The following CDH2 variants were observed in gnomAD, a reference collection of about 807,000 sequenced individuals.
The protein encoded by CDH2 is cadherin 2, also known as cadherin-2.
A neutral mutation model predicts 92.0 loss-of-function variants in CDH2; 17 were observed. That is an observed-to-expected ratio of 0.18 (90% CI 0.13 to 0.28). CDH2 has a LOEUF of 0.28. CDH2 is among the 10% of genes least tolerant of loss of function. The probability of loss-of-function intolerance (pLI) is 1.00; values close to 1 mark genes in which losing one functional copy is unlikely to be tolerated. For synonymous variants in CDH2, 419 were observed against 415.9 expected (o/e 1.01, Z -0.09); for missense variants, 862 against 1,133.1 (o/e 0.76, Z 3.44).
intron 1 of CDH2, 44 bp downstream of exon 1, chr18:28,176,919 G>A: frequency 1.4e-6 from 1 of 731,594 alleles, no homozygotes. Flanking sequence ...GGCGCCGCCC[G>A]CCCCACCCCG....
At chr18:28,143,681 T>C (rs887875712) in intron 2 of CDH2, among the ~76,000 whole-genome samples, 1 of 1,196 alleles carries the variant, frequency 8.4e-4, no homozygotes, top group Non-Finnish European at 9.3e-3. Context: ...CTCTGTGTTA[T>C]ACCATAAGTT....
intron 2 of CDH2, chr18:28,036,446 A>C (rs747293212): frequency 9.1e-7 from 1 of 1,101,112 alleles, no homozygotes. Context: ...CATGTTATGG[A>C]ATGAATAAGG....
chr18:28,125,845 C>T (rs1043577056), intron 2 of CDH2, among the ~76,000 whole-genome samples: 4 of 152,016 alleles, frequency 2.6e-5, no homozygotes, highest in Non-Finnish European at 4.4e-5. Flanking sequence ...TTACAAAATG[C>T]GTTAAGTTTA....
Position 28,009,774 on chromosome 18 carries a change from G to T in CDH2, c.645C>A (p.Ile215=). The change falls in exon 5 of 16, where the codon ATC becomes ATA. Residue 215 remains isoleucine (I), a synonymous_variant. Coordinates refer to ENST00000269141, the MANE Select transcript of CDH2 (RefSeq NM_001792.5). ...GCTTTGTCACCGACAGCTGACCCGA[G>T]ATGGGGTTGATAATGAAGATACCAG... ...PPTGIFIINP[I]SGQLSVTKPL... is the part of the protein sequence containing the mutation. The T allele has an allele frequency of 6.2e-7, 1 of 1,614,048 alleles. No homozygotes were observed. The highest frequency in any genetic ancestry group is 8.5e-7 in the Non-Finnish European group (1 of 1,179,986).
intron 2 of CDH2, among the ~76,000 whole-genome samples, chr18:28,055,928 C>G (rs947762897): frequency 6.6e-5 from 10 of 152,004 alleles, no homozygotes; most frequent in African/African-American, 2.4e-4. Flanking sequence ...ACTTTACTTC[C>G]TAGGTTTTTA....
At chr18:28,159,657 TG>T (rs936555587) in intron 1 of CDH2, among the ~76,000 whole-genome samples, 3 of 144,688 alleles carry the variant, frequency 2.1e-5, no homozygotes, top group Admixed American at 6.7e-5. Context: ...GCAATTTTTT[TG>T]TTTTTTTTTT....
chr18:28,085,334 A>G (rs2014906142), intron 2 of CDH2, among the ~76,000 whole-genome samples: 1 of 151,902 alleles, frequency 6.6e-6, no homozygotes, highest in Admixed American at 6.6e-5. Flanking sequence ...TCCAACTCAA[A>G]TATATTGAGA....
At chr18:28,007,193 T>TATATATATATATATAC (rs778626652) in intron 5 of CDH2, among the ~76,000 whole-genome samples, 10 of 142,180 alleles carry the variant, frequency 7.0e-5, no homozygotes, top group African/African-American at 1.9e-4. Flanking sequence ...TATATATATA[T>TATATATATATATATAC]ACGAGTATAT....
At chr18:28,049,110 C>T (rs1056692403) in intron 2 of CDH2, among the ~76,000 whole-genome samples, 12 of 151,956 alleles carry the variant, frequency 7.9e-5, no homozygotes, top group Non-Finnish European at 1.8e-4. Context: ...CTGGCGGTGT[C>T]ACGACATCTA....
At chr18:28,133,308 G>T (rs2015803536) in intron 2 of CDH2, among the ~76,000 whole-genome samples, 1 of 152,050 alleles carries the variant, frequency 6.6e-6, no homozygotes. Flanking sequence ...GGCCGGCCGG[G>T]CGTGATGGCT....
Position 27,959,803 on chromosome 18 carries a change from AT to A in CDH2, c.2514+3553del, listed in dbSNP as rs2011349899. ...ACTCTAGGGGCATTTCTAGCTGAAG[AT>A]ATTTGATTGCTCCTCTCCTTCACAT... On this transcript the variant is annotated intron_variant, in intron 15 of 15. Transcript: ENST00000269141. Among the ~76,000 whole-genome samples the A allele has an allele frequency of 9.9e-5, 15 of 152,046 alleles. 1 individual carries two copies. Among genetic ancestry groups the A allele is most frequent in the Non-Finnish European group, 1.5e-5 (1 of 68,024 alleles).
At chr18:28,039,064 G>A (rs1324456289) in intron 2 of CDH2, among the ~76,000 whole-genome samples, 2 of 152,120 alleles carry the variant, frequency 1.3e-5, no homozygotes, top group South Asian at 2.1e-4. Flanking sequence ...TTGTACACAG[G>A]ATAGTGAACT....
intron 1 of CDH2, chr18:28,168,690 G>C: frequency 4.0e-6 from 1 of 252,580 alleles, no homozygotes; most frequent in Non-Finnish European, 6.2e-6. Flanking sequence ...CTCTCCTAAA[G>C]ACCACAGGAA....
intron 2 of CDH2, among the ~76,000 whole-genome samples, chr18:28,138,336 C>T (rs2015898558): frequency 6.6e-6 from 1 of 152,036 alleles, no homozygotes; most frequent in South Asian, 2.1e-4. Context: ...TTTTAGTTAA[C>T]CACAGACTTA....
chr18:27,960,043 C>T (rs1020531921), intron 15 of CDH2, among the ~76,000 whole-genome samples: 3 of 151,834 alleles, frequency 2.0e-5, no homozygotes, highest in African/African-American at 7.3e-5. Context: ...CACACACACA[C>T]ACACAAACAC....
chr18:27,996,113 GT>G (rs2012573315), intron 7 of CDH2, among the ~76,000 whole-genome samples: 1 of 152,006 alleles, frequency 6.6e-6, no homozygotes, highest in Non-Finnish European at 1.5e-5. Flanking sequence ...TCTGCTTGCT[GT>G]CAATCCTTCC....
intron 2 of CDH2, among the ~76,000 whole-genome samples, chr18:28,102,103 C>T (rs886633272): frequency 1.3e-5 from 2 of 152,114 alleles, no homozygotes; most frequent in African/African-American, 4.8e-5. Flanking sequence ...GAAACTTTGT[C>T]TCCTAGAAAT....
chr18:28,151,407 T>C (rs1270422735), intron 1 of CDH2, among the ~76,000 whole-genome samples: 50 of 152,310 alleles, frequency 3.3e-4, no homozygotes, highest in Non-Finnish European at 4.4e-5. Flanking sequence ...AGCAGGGAAT[T>C]TGCTAACCAT....
At chr18:27,977,452 TACAG>T (rs368161643) in intron 14 of CDH2, among the ~76,000 whole-genome samples, 1,656 of 130,132 alleles carry the variant, frequency 0.013, 35 homozygotes, top group African/African-American at 0.04. Flanking sequence ...ATAGAACTTA[TACAG>T]ACAGAGACTC....
Sources: gnomAD v4.1 joint callset for allele counts (sites outside exome capture counted in the v4.1 genomes callset) on GRCh38, gnomAD v4.1.1 for gene constraint, MANE v1.5 for transcripts, NCBI Gene and HGNC (gene_info 2026-07-23, HGNC 2026-07-21) for gene names.